SDSL: variants seen among roughly 807,000 people sequenced by gnomAD.
The protein encoded by SDSL is serine dehydratase like, also known as serine dehydratase-like.
In SDSL, 26 loss-of-function variants were observed where a neutral mutation model predicts 27.6. The ratio of observed to expected loss-of-function variants is 0.94; its 90% CI spans 0.69 to 1.31. The LOEUF (loss-of-function observed/expected upper bound fraction) is 1.31. SDSL is among the 50% of genes most tolerant of loss of function. The probability of loss-of-function intolerance (pLI) is 0.00; values close to 1 mark genes in which losing one functional copy is unlikely to be tolerated. For synonymous variants in SDSL, 196 were observed against 180.6 expected (o/e 1.09, Z -0.69); for missense variants, 431 against 423.5 (o/e 1.02, Z -0.16).
In SDSL at chr12:113,437,871, C is replaced by T; in HGVS notation, c.797-15C>T. On this transcript the variant is annotated splice_polypyrimidine_tract_variant and intron_variant, in intron 7 of 7. Transcript: ENST00000403593. ...CTTCCCTTTCCTTCCTCTCTCCATCCCCCGATCCTGGCAGATGATGAGCGT... is the reference window on the plus strand; with the variant it reads ...CTTCCCTTTCCTTCCTCTCTCCATCTCCCGATCCTGGCAGATGATGAGCGT... 6.3e-7 allele frequency: 1 copy of T among 1,581,380 alleles called. No homozygotes were observed. The highest frequency in any genetic ancestry group is 8.6e-7 in the Non-Finnish European group (1 of 1,163,370).
chr12:113,429,624 G>T (rs1957895253), intron 4 of SDSL, among the ~76,000 whole-genome samples: 1 of 152,134 alleles, frequency 6.6e-6, no homozygotes, highest in African/African-American at 2.4e-5. Flanking sequence ...TTTGCTGTTA[G>T]ATAAGACAAG....
intron 3 of SDSL, 90 bp from the exon 4 acceptor site, chr12:113,429,070 A>C: frequency 6.8e-7 from 1 of 1,468,458 alleles, no homozygotes; most frequent in Non-Finnish European, 9.3e-7. Flanking sequence ...GTTGGGGACG[A>C]GTGACTCTGA....
rs1217247050 is a variant in SDSL, at chr12:113,432,276, CTTTCTTTCTTTCTT to C, written c.355-1856_355-1843del. Among the ~76,000 whole-genome samples the C allele has an allele frequency of 3.4e-3, 446 of 131,008 alleles. 6 individuals are homozygous for C. The highest frequency in any genetic ancestry group is 0.012 in the African/African-American group (388 of 33,382). 85.9% of individuals were successfully genotyped at this position (131,008 alleles called of 152,430 possible). On this transcript the variant is annotated intron_variant, in intron 4 of 7. Transcript: ENST00000403593. ...TCTTTCTTTCTTTCTTTCTTTCTTT[CTTTCTTTCTTTCTT>C]TCTCTCTCTCTCTTTCTGTCTCTCT... is the stretch of plus-strand genomic sequence containing the variant.
chr12:113,429,459 G>T lies in SDSL; in HGVS notation c.354+160G>T, dbSNP rs1418204860. ...GCTGAGGGGGGAATGAGGTGGGATG[G>T]GTGTTGAGGGCTGGGATCTCCCAAC... On this transcript the variant is annotated intron_variant, in intron 4 of 7. Transcript: ENST00000403593. Among the ~76,000 whole-genome samples the T allele has an allele frequency of 2.0e-5, 3 of 152,154 alleles. No individual in the cohort carries two copies. The East Asian group carries it at 5.8e-4, about 29-fold the overall frequency.
intron 1 of SDSL, among the ~76,000 whole-genome samples, chr12:113,424,389 C>T (rs572376525): frequency 6.6e-6 from 1 of 152,270 alleles, no homozygotes; most frequent in South Asian, 2.1e-4. Context: ...CAAAGTAGGT[C>T]CCCTTGTTCT....
Position 113,438,049 on chromosome 12 carries a change from G to A in SDSL, c.960G>A (p.Gln320=). The A allele has an allele frequency of 6.2e-7, 1 of 1,614,096 alleles. No individual in the cohort carries two copies. Among genetic ancestry groups the A allele is most frequent in the Non-Finnish European group, 8.5e-7 (1 of 1,180,000 alleles). ...GGNNINSREL[Q]ALKTHLGQV ...ACAACATCAACAGCCGAGAGCTGCA[G>A]GCTTTGAAAACCCACCTGGGCCAGG... Residue 320 remains glutamine (Q), a synonymous_variant, in exon 8 of 8, where the codon CAG becomes CAA. Transcript: ENST00000403593.
chr12:113,430,063 TC>T (rs779062184), intron 4 of SDSL, among the ~76,000 whole-genome samples: 2 of 145,908 alleles, frequency 1.4e-5, no homozygotes, highest in African/African-American at 5.0e-5. Context: ...CATTTATTCA[TC>T]CATCTAACCA....
chr12:113,427,974 G>A lies in SDSL; in HGVS notation c.-9G>A. ...TGTCCTCCTGCAGGCTGTCTACCTG[G>A]TCTCCAGAATGGACGGCCCTGTGGC... On this transcript the variant is annotated 5_prime_UTR_variant, in exon 2 of 8. Transcript: ENST00000403593. 6.2e-7 allele frequency: 1 copy of A among 1,607,316 alleles called. No individual in the cohort carries two copies. Among genetic ancestry groups the A allele is most frequent in the Non-Finnish European group, 8.5e-7 (1 of 1,176,886 alleles).
rs1250480940 is a variant in SDSL, at chr12:113,438,269, T to G, written c.*190T>G. On this transcript the variant is annotated 3_prime_UTR_variant, in exon 8 of 8. Transcript: ENST00000403593. ...ACAACTCCGGCCAATAAACACTTTC[T>G]GAATTGAGTTTGCGAATGCTATGGA... The G allele has an allele frequency of 3.9e-6, 2 of 507,004 alleles. No individual in the cohort carries two copies. The highest frequency in any genetic ancestry group is 6.9e-6 in the Non-Finnish European group (2 of 288,262). The allele number at this position is 507,004 out of a possible 1,614,324, so 31.4% of individuals were successfully genotyped here.
intron 4 of SDSL, among the ~76,000 whole-genome samples, chr12:113,433,287 C>T (rs1396167417): frequency 6.6e-6 from 1 of 152,196 alleles, no homozygotes. Context: ...CTGCAGAGTC[C>T]CTGAGGATGA....
At chr12:113,424,423 G>A (rs906671788) in intron 1 of SDSL, among the ~76,000 whole-genome samples, 1 of 152,096 alleles carries the variant, frequency 6.6e-6, no homozygotes, top group Admixed American at 6.6e-5. Context: ...CCCTATATGC[G>A]TGTTTCCCTC....
chr12:113,428,585 G>A (rs1324360398), intron 3 of SDSL, 126 bp downstream of exon 3: 9 of 749,998 alleles, frequency 1.2e-5, no homozygotes, highest in Non-Finnish European at 2.0e-5. Flanking sequence ...TTGATGAGAT[G>A]ACTACTGTGT....
intron 1 of SDSL, among the ~76,000 whole-genome samples, chr12:113,423,696 C>T (rs1565875777): frequency 6.6e-6 from 1 of 152,146 alleles, no homozygotes; most frequent in African/African-American, 2.4e-5. Context: ...GAGCCATGAT[C>T]GTGCCACTGC....
chr12:113,429,247 A>C lies in SDSL; in HGVS notation c.302A>C (p.Gln101Pro). 1 of 1,613,558 alleles carries C rather than the reference A, an allele frequency of 6.2e-7. No individual in the cohort carries two copies. Among genetic ancestry groups the C allele is most frequent in the Non-Finnish European group, 8.5e-7 (1 of 1,179,648 alleles). ...GTGCTCCCCGAGAGCACCTCCCTGC[A>C]GGTGGTGCAGAGGCTGCAGGGGGAG... ...TIVLPESTSL[Q>P]VVQRLQGEGA... The change falls in exon 4 of 8, where the codon CAG becomes CCG. Residue 101 changes from glutamine to proline, a missense_variant. By Grantham distance (76) the Gln-to-Pro change is moderately conservative (BLOSUM62 -1). Transcript: ENST00000403593.
chr12:113,438,013 G>T lies in SDSL; in HGVS notation c.924G>T (p.Val308=). ...PPSLTSVVVI[V]CGGNNINSRE... ...CCCTGACTTCAGTTGTGGTAATCGT[G>T]TGTGGAGGCAACAACATCAACAGCC... The change falls in exon 8 of 8, where the codon GTG becomes GTT. Residue 308 remains valine (V), a synonymous_variant. Coordinates refer to ENST00000403593, the MANE Select transcript of SDSL (RefSeq NM_001304993.2). 6.2e-7 allele frequency: 1 copy of T among 1,614,198 alleles called. No homozygotes were observed. Among genetic ancestry groups the T allele is most frequent in the Non-Finnish European group, 8.5e-7 (1 of 1,180,030 alleles).
At position 113,437,265 on chromosome 12, in the gene SDSL, T is replaced by G. The variant is rs116977377; in HGVS notation, c.796+390T>G. Among the ~76,000 whole-genome samples the G allele has an allele frequency of 4.3e-4, 66 of 152,340 alleles. No individual in the cohort carries two copies. In the East Asian group the frequency reaches 0.012, roughly 28 times the overall value. On this transcript the variant is annotated intron_variant, in intron 7 of 7. Coordinates refer to ENST00000403593, the MANE Select transcript of SDSL (RefSeq NM_001304993.2). ...CATAACCTCCTGGTTCTTATCCCTC[T>G]ACATCACTGATGTGAGCCCCATGAG...
intron 1 of SDSL, among the ~76,000 whole-genome samples, chr12:113,423,946 C>T (rs907230664): frequency 7.2e-5 from 11 of 152,198 alleles, no homozygotes; most frequent in African/African-American, 2.7e-4. Context: ...GCCATGTACA[C>T]GCTCTTCTTG....
At chr12:113,430,824 T>C (rs1957913037) in intron 4 of SDSL, among the ~76,000 whole-genome samples, 1 of 152,242 alleles carries the variant, frequency 6.6e-6, no homozygotes, top group Non-Finnish European at 1.5e-5. Context: ...TCTCAGCTAC[T>C]CAGGAGGCTG....
rs764017308 is a variant in SDSL, at chr12:113,428,052, TG to T, written c.73del (p.Ala25ArgfsTer91). 2 of 1,613,896 alleles carry T rather than the reference TG, an allele frequency of 1.2e-6. No individual in the cohort carries two copies. Among genetic ancestry groups the T allele is most frequent in the Admixed American group, 3.3e-5 (2 of 59,964 alleles). On this transcript the variant is annotated frameshift_variant, in exon 2 of 8. Coordinates refer to ENST00000403593, the MANE Select transcript of SDSL (RefSeq NM_001304993.2). LOFTEE classifies it high-confidence loss of function. ...CGTGGTCACACCTCTGTTGGAGAGCTGGGCGCTGTCCCAGGTGGCGGGCATG... is the reference window on the plus strand; with the variant it reads ...CGTGGTCACACCTCTGTTGGAGAGCTGGCGCTGTCCCAGGTGGCGGGCATG... Reference protein sequence around the residue: ...FHVVTPLLESWALSQVAGMPV... With the variant: ...FHVVTPLLESXALSQVAGMPV...
Sources: allele counts gnomAD v4.1 joint callset (sites outside exome capture counted in the v4.1 genomes callset), GRCh38; gene constraint gnomAD v4.1.1; transcripts MANE v1.5; gene names NCBI Gene and HGNC (gene_info 2026-07-23, HGNC 2026-07-21).